Variants in KATNAL2 observed in about 807,000 individuals in gnomAD.
KATNAL2 encodes katanin catalytic subunit A1 like 2, also known as katanin p60 ATPase-containing subunit A-like 2.
A neutral mutation model predicts 76.3 loss-of-function variants in KATNAL2; 52 were observed. The observed-to-expected ratio is 0.68, with a 90% CI of 0.55 to 0.86. The LOEUF (loss-of-function observed/expected upper bound fraction) is 0.86, where lower values mean the gene tolerates loss of function less well. Among genes scored for constraint, KATNAL2 ranks in the 40% least tolerant of loss-of-function variants. The pLI is 0.00. For synonymous variants in KATNAL2, 243 were observed against 244.2 expected (o/e 1.00, Z 0.05); for missense variants, 660 against 668.9 (o/e 0.99, Z 0.15).
rs569171844 is a variant in KATNAL2 at position 47,034,394 on chromosome 18, C to T, written c.52-12063C>T. 50 of 1,614,026 alleles carry T rather than the reference C, an allele frequency of 3.1e-5. No homozygotes were observed. The East Asian group carries it at 3.6e-4, about 12-fold the overall frequency. On this transcript the variant is annotated intron_variant, in intron 3 of 17. Coordinates refer to ENST00000683218, the MANE Select transcript of KATNAL2 (RefSeq NM_001387690.1). Reference sequence around the variant, plus strand: ...TCCTCCAAGGCAGGGACACGCTGGCCGCTGCCAGCTTGCCCCCCTTCCTTG... The same window carrying T: ...TCCTCCAAGGCAGGGACACGCTGGCTGCTGCCAGCTTGCCCCCCTTCCTTG...
intron 1 of KATNAL2, among the ~76,000 whole-genome samples, chr18:46,922,189 C>T (rs72917122): frequency 0.011 from 1,665 of 151,664 alleles, 17 homozygotes; most frequent in Non-Finnish European, 0.017. Flanking sequence ...CAACCTTCAC[C>T]TCCCAGCTCA....
At chr18:47,049,112 C>T (rs1017731329) in intron 4 of KATNAL2, among the ~76,000 whole-genome samples, 3 of 152,178 alleles carry the variant, frequency 2.0e-5, no homozygotes, top group Admixed American at 6.5e-5. Context: ...CGTGAGCCAC[C>T]GCGCCCAGCC....
intron 3 of KATNAL2, among the ~76,000 whole-genome samples, chr18:47,036,451 G>A (rs2146980230): frequency 6.6e-6 from 1 of 152,226 alleles, no homozygotes; most frequent in South Asian, 2.1e-4. Context: ...CTCTTGACTG[G>A]TCCTCTCTGT....
chr18:47,051,177 C>T (rs940806992), intron 4 of KATNAL2, among the ~76,000 whole-genome samples: 2 of 152,106 alleles, frequency 1.3e-5, no homozygotes, highest in Non-Finnish European at 2.9e-5. Flanking sequence ...CCAACCACAT[C>T]GAATTCAAAC....
At chr18:47,042,965 C>G (rs1480796423) in intron 3 of KATNAL2, among the ~76,000 whole-genome samples, 1 of 152,124 alleles carries the variant, frequency 6.6e-6, no homozygotes, top group Non-Finnish European at 1.5e-5. Context: ...CGGTGGCTCA[C>G]GCCTGTAATC....
Position 47,034,366 on chromosome 18 carries a change from G to C in KATNAL2, c.52-12091G>C, listed in dbSNP as rs761049083. Reference sequence around the variant, plus strand: ...AGGCCTCTTCTGGTGACTGTCTGGAGCCTCCTCCAAGGCAGGGACACGCTG... The same window carrying C: ...AGGCCTCTTCTGGTGACTGTCTGGACCCTCCTCCAAGGCAGGGACACGCTG... On this transcript the variant is annotated intron_variant, in intron 3 of 17. Coordinates refer to ENST00000683218, the MANE Select transcript of KATNAL2 (RefSeq NM_001387690.1). The C allele has an allele frequency of 1.9e-5, 31 of 1,613,894 alleles. No homozygotes were observed. The highest frequency in any genetic ancestry group is 2.6e-5 in the Non-Finnish European group (31 of 1,180,018).
At chr18:47,057,056 A>G (rs929580348) in intron 6 of KATNAL2, among the ~76,000 whole-genome samples, 2 of 152,256 alleles carry the variant, frequency 1.3e-5, no homozygotes, top group African/African-American at 4.8e-5. Flanking sequence ...AGTGAGACCA[A>G]CACTCACAGA....
At chr18:47,049,422 C>T (rs1456266843) in intron 4 of KATNAL2, among the ~76,000 whole-genome samples, 1 of 152,168 alleles carries the variant, frequency 6.6e-6, no homozygotes, top group African/African-American at 2.4e-5. Flanking sequence ...CATTTTACAT[C>T]ATCTTTTGAT....
chr18:46,937,987 T>C (rs1292158472), intron 1 of KATNAL2, among the ~76,000 whole-genome samples: 2 of 152,030 alleles, frequency 1.3e-5, no homozygotes, highest in East Asian at 1.9e-4. Flanking sequence ...TCCCAGCTAA[T>C]TGGGAGGCTG....
In KATNAL2 at chr18:46,946,673, A is replaced by G. The variant is rs539350025; in HGVS notation, c.-20+127A>G. 2.7e-5 allele frequency: 29 copies of G among 1,084,376 alleles called. No individual in the cohort carries two copies. In the African/African-American group the frequency reaches 4.4e-4, roughly 17 times the overall value. The allele number at this position is 1,084,376 out of a possible 1,614,324, so 67.2% of individuals were successfully genotyped here. On this transcript the variant is annotated intron_variant, in intron 2 of 17. Transcript: ENST00000683218. ...CTTCATTGGCCAGTGTCATGCAAAC[A>G]CTCTGGATTAAACATGCATGGTCTA...
At position 46,933,377 on chromosome 18, in the gene KATNAL2, A is replaced by G. The variant is rs552978530; in HGVS notation, c.-509-12680A>G. ...TATGGGGCAAGAGAAAAAGAAATCT[A>G]AATCTAGTGCCCACAGGAGATGAAG... On this transcript the variant is annotated intron_variant, in intron 1 of 17. Coordinates refer to ENST00000683218, the MANE Select transcript of KATNAL2 (RefSeq NM_001387690.1). 8.5e-5 allele frequency among the ~76,000 whole-genome samples: 13 copies of G among 152,344 alleles called. No individual in the cohort carries two copies. In the South Asian group the frequency reaches 2.5e-3, roughly 29 times the overall value.
chr18:47,081,612 C>G (rs973221682), intron 15 of KATNAL2, among the ~76,000 whole-genome samples: 4 of 152,316 alleles, frequency 2.6e-5, no homozygotes, highest in African/African-American at 7.2e-5. Flanking sequence ...TTCCCTCATG[C>G]TGCTGTGGCA....
intron 8 of KATNAL2, among the ~76,000 whole-genome samples, chr18:47,062,621 T>C (rs1357483855): frequency 8.5e-5 from 13 of 152,218 alleles, no homozygotes; most frequent in Admixed American, 8.5e-4. Context: ...TCATTACCAT[T>C]GTGCCAATGA....
intron 1 of KATNAL2, among the ~76,000 whole-genome samples, chr18:46,928,082 A>C (rs1299623808): frequency 2.0e-5 from 3 of 151,710 alleles, no homozygotes; most frequent in Admixed American, 2.0e-4. Context: ...TCTTCTCTCA[A>C]CTCGTCAAAG....
intron 4 of KATNAL2, among the ~76,000 whole-genome samples, chr18:47,048,858 G>A (rs903144407): frequency 3.0e-5 from 3 of 101,444 alleles, no homozygotes; most frequent in Non-Finnish European, 5.6e-5. Context: ...TTTTTGAGAC[G>A]GAGTCTCACT....
At chr18:47,100,407 C>A in intron 17 of KATNAL2, 51 bp downstream of exon 17, 4 of 1,454,466 alleles carry the variant, frequency 2.8e-6, no homozygotes, top group Non-Finnish European at 3.8e-6. Context: ...GTAAAAATCC[C>A]TCTCACCAGC....
At chr18:47,091,001 T>C (rs2147362872) in intron 15 of KATNAL2, among the ~76,000 whole-genome samples, 1 of 152,366 alleles carries the variant, frequency 6.6e-6, no homozygotes, top group South Asian at 2.1e-4. Context: ...ACTTCACTTT[T>C]AAAACTGAAG....
chr18:47,062,430 G>T (rs930492419), intron 8 of KATNAL2, among the ~76,000 whole-genome samples: 1 of 149,848 alleles, frequency 6.7e-6, no homozygotes, highest in African/African-American at 2.4e-5. Context: ...ATGGAGAAAA[G>T]GGAACTCATA....
chr18:46,923,130 T>C (rs966259837), intron 1 of KATNAL2, among the ~76,000 whole-genome samples: 1 of 151,418 alleles, frequency 6.6e-6, no homozygotes, highest in African/African-American at 2.4e-5. Flanking sequence ...TTGTTACATA[T>C]GTATACATGT....
Sources: allele counts gnomAD v4.1 joint callset (sites outside exome capture counted in the v4.1 genomes callset), GRCh38; gene constraint gnomAD v4.1.1; transcripts MANE v1.5; gene names NCBI Gene and HGNC (gene_info 2026-07-23, HGNC 2026-07-21).